The following SOCS6 variants were observed in gnomAD, a reference collection of about 807,000 sequenced individuals.
The protein encoded by SOCS6 is suppressor of cytokine signaling 6.
Under a neutral mutation model 27.7 loss-of-function variants are expected in SOCS6, and 5 were observed. The ratio of observed to expected loss-of-function variants is 0.18; its 90% CI spans 0.09 to 0.38. The LOEUF (loss-of-function observed/expected upper bound fraction) is 0.38, where lower values mean the gene tolerates loss of function less well. Among genes scored for constraint, SOCS6 ranks in the 10% least tolerant of loss-of-function variants. The probability of loss-of-function intolerance (pLI) is 1.00; values close to 1 mark genes in which losing one functional copy is unlikely to be tolerated. For synonymous variants in SOCS6, 271 were observed against 260.0 expected, an observed-to-expected ratio of 1.04 and a Z score of -0.41; for missense variants, 595 against 688.1, an observed-to-expected ratio of 0.86 and a Z score of 1.51.
chr18:70,291,281 T>A (rs936287663), intron 1 of SOCS6, among the ~76,000 whole-genome samples: 2 of 152,118 alleles, frequency 1.3e-5, no homozygotes, highest in African/African-American at 4.8e-5. Context: ...TGATTGTTTT[T>A]TGGAGAGGTG....
At chr18:70,312,206 A>G (rs2062393372) in intron 1 of SOCS6, among the ~76,000 whole-genome samples, 1 of 152,258 alleles carries the variant, frequency 6.6e-6, no homozygotes, top group Non-Finnish European at 1.5e-5. Context: ...CTGGTTCCAC[A>G]GTGCACAGTA....
chr18:70,306,929 G>A (rs1304979776), intron 1 of SOCS6, among the ~76,000 whole-genome samples: 1 of 152,062 alleles, frequency 6.6e-6, no homozygotes, highest in African/African-American at 2.4e-5. Context: ...GGTATATAAT[G>A]CTTTTTATAT....
chr18:70,298,691 T>C (rs2062335078), intron 1 of SOCS6, among the ~76,000 whole-genome samples: 1 of 152,324 alleles, frequency 6.6e-6, no homozygotes, highest in South Asian at 2.1e-4. Context: ...AGAGTTAAGA[T>C]ACCTATATTA....
intron 1 of SOCS6, among the ~76,000 whole-genome samples, chr18:70,315,899 T>C (rs1245401963): frequency 2.6e-5 from 4 of 152,120 alleles, no homozygotes; most frequent in Non-Finnish European, 5.9e-5. Context: ...AGATGGAGTT[T>C]CGCTTTTGTT....
Position 70,299,115 on chromosome 18 carries a change from T to G in SOCS6, c.-127+10025T>G, listed in dbSNP as rs137857068. ...CCAGCCTGGGCAACAAGAGCGACCCTCCGTCTTAAAAACAAAAAAAGAAAA... is the reference window on the plus strand; with the variant it reads ...CCAGCCTGGGCAACAAGAGCGACCCGCCGTCTTAAAAACAAAAAAAGAAAA... On this transcript the variant is annotated intron_variant, in intron 1 of 1. Transcript: ENST00000397942. Among the ~76,000 whole-genome samples the G allele has an allele frequency of 2.2e-3, 331 of 152,050 alleles. 3 individuals are homozygous for G. The highest frequency in any genetic ancestry group is 7.7e-3 in the African/African-American group (318 of 41,476).
At chr18:70,296,050 G>A (rs1049789679) in intron 1 of SOCS6, among the ~76,000 whole-genome samples, 4 of 152,180 alleles carry the variant, frequency 2.6e-5, no homozygotes, top group African/African-American at 9.7e-5. Flanking sequence ...ACGAATCACA[G>A]GAGCCTCTAC....
Position 70,304,401 on chromosome 18 carries a change from A to C in SOCS6, c.-127+15311A>C, listed in dbSNP as rs1356814793. On this transcript the variant is annotated intron_variant, in intron 1 of 1. Coordinates refer to ENST00000397942, the MANE Select transcript of SOCS6 (RefSeq NM_004232.4). Reference sequence around the variant, plus strand: ...GGGGAAAAAAAAAACTTTGCTTAAAAGCCAACCCATCTTACATTCCCACCA... The same window carrying C: ...GGGGAAAAAAAAAACTTTGCTTAAACGCCAACCCATCTTACATTCCCACCA... 3.3e-5 allele frequency among the ~76,000 whole-genome samples: 5 copies of C among 152,312 alleles called. No individual in the cohort carries two copies. The East Asian group carries it at 7.7e-4, about 23-fold the overall frequency.
chr18:70,297,877 G>A (rs973114391), intron 1 of SOCS6, among the ~76,000 whole-genome samples: 1 of 152,160 alleles, frequency 6.6e-6, no homozygotes, highest in African/African-American at 2.4e-5. Context: ...TCATTTGGAT[G>A]TACTTTAGAA....
chr18:70,326,618 T>C lies in SOCS6; in HGVS notation c.*342T>C, dbSNP rs577733368. 3 of 243,352 alleles carry C rather than the reference T, an allele frequency of 1.2e-5. No individual in the cohort carries two copies. In the East Asian group the frequency reaches 3.2e-4, roughly 26 times the overall value. 15.1% of individuals were successfully genotyped at this position (243,352 alleles called of 1,614,324 possible). Reference sequence around the variant, plus strand: ...TGATTTTTATGCATTAAAAGCACATTTCATGTGTATTCAACCCTAAGTAAA... The same window carrying C: ...TGATTTTTATGCATTAAAAGCACATCTCATGTGTATTCAACCCTAAGTAAA... On this transcript the variant is annotated 3_prime_UTR_variant, in exon 2 of 2. Coordinates refer to ENST00000397942, the MANE Select transcript of SOCS6 (RefSeq NM_004232.4).
chr18:70,292,675 A>G (rs1296239609), intron 1 of SOCS6, among the ~76,000 whole-genome samples: 1 of 152,152 alleles, frequency 6.6e-6, no homozygotes, highest in African/African-American at 2.4e-5. Flanking sequence ...CTCATCGACT[A>G]TAACATTTCT....
At position 70,329,173 on chromosome 18, in the gene SOCS6, T is replaced by C. The variant is rs1444767060; in HGVS notation, c.*2897T>C. The C allele has an allele frequency of 6.0e-6, 1 of 167,094 alleles. No homozygotes were observed. Among genetic ancestry groups the C allele is most frequent in the Non-Finnish European group, 1.5e-5 (1 of 68,116 alleles). The allele number at this position is 167,094 out of a possible 1,614,324, so 10.4% of individuals were successfully genotyped here. On this transcript the variant is annotated 3_prime_UTR_variant, in exon 2 of 2. Coordinates refer to ENST00000397942, the MANE Select transcript of SOCS6 (RefSeq NM_004232.4). Reference sequence around the variant, plus strand: ...AAAGTACTTGAAAAATATCTAATTCTCTTTCTGTCTAAGGAAAACTCTTTC... The same window carrying C: ...AAAGTACTTGAAAAATATCTAATTCCCTTTCTGTCTAAGGAAAACTCTTTC...
intron 1 of SOCS6, among the ~76,000 whole-genome samples, chr18:70,317,314 A>G (rs928457361): frequency 3.9e-5 from 6 of 152,068 alleles, no homozygotes; most frequent in African/African-American, 1.2e-4. Flanking sequence ...TTGATTTTCC[A>G]TTCCAGAGTT....
rs1309915766 is a variant in SOCS6 at position 70,325,670 on chromosome 18, C to T, written c.1002C>T (p.Ala334=). 1 of 1,614,180 alleles carries T rather than the reference C, an allele frequency of 6.2e-7. No individual in the cohort carries two copies. The highest frequency in any genetic ancestry group is 1.7e-5 in the Admixed American group (1 of 60,026). Residue 334 remains alanine, a synonymous_variant, in exon 2 of 2, where the codon GCC becomes GCT. Transcript: ENST00000397942. This position sits in a 1 kb window ranked among gnomAD's most constrained non-coding sequence, Gnocchi z 6.3. ...RNFSGLTGTE[A]HVAESMRCHL... ...TCAGTGGACTCACTGGCACAGAAGC[C>T]CACGTGGCTGAAAGTATGCGCTGTC... is the stretch of plus-strand genomic sequence containing the variant.
rs898477275 is a variant in SOCS6, at chr18:70,325,838, A to G, written c.1170A>G (p.Thr390=). 2 of 1,614,240 alleles carry G rather than the reference A, an allele frequency of 1.2e-6. No individual in the cohort carries two copies. Among genetic ancestry groups the G allele is most frequent in the Admixed American group, 3.3e-5 (2 of 60,028 alleles). The change falls in exon 2 of 2, where the codon ACA becomes ACG. Residue 390 remains threonine, a synonymous_variant. Transcript: ENST00000397942. This position sits in a 1 kb window ranked among gnomAD's most constrained non-coding sequence, Gnocchi z 6.3. The part of the protein sequence containing the change: ...AKQGWYWGPI[T]RWEAEGKLAN... ...AAGGATGGTACTGGGGACCAATCAC[A>G]CGTTGGGAGGCAGAAGGGAAGCTAG... is the stretch of plus-strand genomic sequence containing the variant.
rs764767340 is a variant in SOCS6 at position 70,326,015 on chromosome 18, A to G, written c.1347A>G (p.Glu449=). The change falls in exon 2 of 2, where the codon GAA becomes GAG. Residue 449 remains glutamate, a synonymous_variant. Coordinates refer to ENST00000397942, the MANE Select transcript of SOCS6 (RefSeq NM_004232.4). ...GCTTTTATGAACAGCCAGATGTGGA[A>G]GGACATACGTCCATAGTTGATCTAA... ...RFSFYEQPDV[E]GHTSIVDLIE... 1 of 1,614,236 alleles carries G rather than the reference A, an allele frequency of 6.2e-7. No individual in the cohort carries two copies. The highest frequency in any genetic ancestry group is 2.2e-5 in the East Asian group (1 of 44,890).
At chr18:70,317,630 C>T (rs1217127273) in intron 1 of SOCS6, among the ~76,000 whole-genome samples, 1 of 151,444 alleles carries the variant, frequency 6.6e-6, no homozygotes, top group African/African-American at 2.4e-5. Flanking sequence ...GGGCTCATTC[C>T]ATATTTTTGC....
chr18:70,307,033 C>T (rs934202266), intron 1 of SOCS6, among the ~76,000 whole-genome samples: 3 of 152,154 alleles, frequency 2.0e-5, no homozygotes, highest in Admixed American at 6.5e-5. Flanking sequence ...GAGGTCTAGG[C>T]AGGAGGACTC....
chr18:70,320,480 A>G (rs550493164), intron 1 of SOCS6, among the ~76,000 whole-genome samples: 1 of 152,294 alleles, frequency 6.6e-6, no homozygotes, highest in South Asian at 2.1e-4. Context: ...TTTTCTTCTT[A>G]CAGGTAGTCC....
At chr18:70,311,906 G>A (rs1298369681) in intron 1 of SOCS6, among the ~76,000 whole-genome samples, 2 of 152,056 alleles carry the variant, frequency 1.3e-5, no homozygotes, top group Admixed American at 6.6e-5. Flanking sequence ...TGCAGTAAAT[G>A]TTTCGTGTAG....
Sources: gnomAD v4.1 joint callset for allele counts (sites outside exome capture counted in the v4.1 genomes callset) on GRCh38, gnomAD v4.1.1 for gene constraint, Gnocchi (gnomAD v3.1) non-coding constraint, MANE v1.5 for transcripts, NCBI Gene and HGNC (gene_info 2026-07-23, HGNC 2026-07-21) for gene names.